JDP2: variants seen among roughly 807,000 people sequenced by gnomAD.
JDP2 encodes the protein Jun dimerization protein 2, also known as progesterone receptor co-activator.
Under a neutral mutation model 17.1 loss-of-function variants are expected in JDP2, and 9 were observed. That is an observed-to-expected ratio of 0.53 (90% CI 0.32 to 0.92). The LOEUF (loss-of-function observed/expected upper bound fraction) is 0.92, where lower values mean the gene tolerates loss of function less well. Ranked by LOEUF, JDP2 falls within the 40% of genes least tolerant of loss-of-function variation. The probability of loss-of-function intolerance (pLI) is 0.04; values close to 1 mark genes in which losing one functional copy is unlikely to be tolerated. For missense variants in JDP2, 179 were observed against 220.0 expected (o/e 0.81, Z 1.18); for synonymous variants, 107 against 95.6 (o/e 1.12, Z -0.69).
intron 3 of JDP2, 67 bp from the exon 4 acceptor site, chr14:75,469,223 C>T (rs1886703020): frequency 6.7e-7 from 1 of 1,499,866 alleles, no homozygotes; most frequent in African/African-American, 1.4e-5. Context: ...TGCCTAACCA[C>T]AGGCAGAGCC....
chr14:75,457,093 A>T (rs1886148040), intron 2 of JDP2, among the ~76,000 whole-genome samples: 1 of 152,112 alleles, frequency 6.6e-6, no homozygotes, highest in Non-Finnish European at 1.5e-5. Context: ...CCCGCATCTC[A>T]TGGTTCTTTA....
chr14:75,434,065 A>G lies in JDP2; in HGVS notation c.-23-3833A>G, dbSNP rs1884946179. Among the ~76,000 whole-genome samples, 3 of 152,190 alleles carry G rather than the reference A, an allele frequency of 2.0e-5. 1 individual carries two copies. In the South Asian group the frequency reaches 6.2e-4, roughly 32 times the overall value. On this transcript the variant is annotated intron_variant, in intron 1 of 3. Coordinates refer to ENST00000651602, the MANE Select transcript of JDP2 (RefSeq NM_001135048.2). ...GTGGGAGATGATTTCACCTCTTGTC[A>G]TCTTTCCTAAGTCTTCCTTGAAGTG...
chr14:75,466,753 T>C (rs1886585303), intron 3 of JDP2, among the ~76,000 whole-genome samples: 1 of 152,080 alleles, frequency 6.6e-6, no homozygotes. Flanking sequence ...CAAAACAAAC[T>C]CCTCCTTTTC....
At chr14:75,449,455 G>C (rs73301644) in intron 2 of JDP2, among the ~76,000 whole-genome samples, 6,250 of 152,302 alleles carry the variant, frequency 0.041, 282 homozygotes, top group African/African-American at 0.11. Context: ...TGTTGTTAAA[G>C]AGTCAGTTTC....
chr14:75,457,669 A>G (rs1229684456), intron 2 of JDP2, among the ~76,000 whole-genome samples: 1 of 152,046 alleles, frequency 6.6e-6, no homozygotes, highest in Non-Finnish European at 1.5e-5. Flanking sequence ...TGGCTGTGGA[A>G]CTGGGGGCTC....
chr14:75,429,046 G>A (rs1357793683), intron 1 of JDP2, among the ~76,000 whole-genome samples: 1 of 152,152 alleles, frequency 6.6e-6, no homozygotes, highest in African/African-American at 2.4e-5. Context: ...GGAGAGTGTA[G>A]GGGTGGATTG....
intron 3 of JDP2, among the ~76,000 whole-genome samples, chr14:75,467,709 A>T (rs1365174157): frequency 6.6e-6 from 1 of 152,106 alleles, no homozygotes. Context: ...GAGGGCTCAC[A>T]GGCTTCCATG....
intron 3 of JDP2, among the ~76,000 whole-genome samples, chr14:75,468,115 G>A (rs1322041454): frequency 2.0e-5 from 3 of 152,178 alleles, no homozygotes; most frequent in African/African-American, 7.2e-5. Flanking sequence ...GGGCTTACGG[G>A]CCCTCTGGTT....
At position 75,471,244 on chromosome 14, in the gene JDP2, G is replaced by A. The variant is rs919389828; in HGVS notation, c.*1769G>A. 1 of 152,294 alleles carries A rather than the reference G, an allele frequency of 6.6e-6. No individual in the cohort carries two copies. Among genetic ancestry groups the A allele is most frequent in the Non-Finnish European group, 1.5e-5 (1 of 68,100 alleles). The allele number at this position is 152,294 out of a possible 1,614,324, so 9.4% of individuals were successfully genotyped here. On this transcript the variant is annotated 3_prime_UTR_variant, in exon 4 of 4. Coordinates refer to ENST00000651602, the MANE Select transcript of JDP2 (RefSeq NM_001135048.2). ...CAATGTGTGTCTGACCCAGGGAAGG[G>A]TGTGGATGGCTTCTCTGCCCCCTCA...
intron 2 of JDP2, among the ~76,000 whole-genome samples, chr14:75,440,037 T>C (rs1025511725): frequency 2.6e-5 from 4 of 152,200 alleles, no homozygotes; most frequent in African/African-American, 7.2e-5. Flanking sequence ...TTATTTTTTA[T>C]TTTTGGAAAA....
At chr14:75,461,771 A>C (rs951519761) in intron 3 of JDP2, among the ~76,000 whole-genome samples, 4 of 152,180 alleles carry the variant, frequency 2.6e-5, no homozygotes, top group African/African-American at 9.7e-5. Context: ...CCAAGAAGGA[A>C]GGAGGAGCCA....
intron 2 of JDP2, among the ~76,000 whole-genome samples, chr14:75,452,763 C>G (rs528210356): frequency 2.6e-5 from 4 of 152,208 alleles, no homozygotes; most frequent in Non-Finnish European, 5.9e-5. Context: ...CAGCCCTCCC[C>G]CCTCACTAAT....
chr14:75,471,854 T>G lies in JDP2; in HGVS notation c.*2379T>G, dbSNP rs916996468. The G allele has an allele frequency of 6.5e-6, 1 of 152,728 alleles. No homozygotes were observed. Among genetic ancestry groups the G allele is most frequent in the African/African-American group, 2.4e-5 (1 of 41,378 alleles). The allele number at this position is 152,728 out of a possible 1,614,324, so 9.5% of individuals were successfully genotyped here. A position where few individuals can be genotyped will look rare whatever the true frequency, so the allele number is the denominator to read the frequency against. ...CAGGAACCCCTCGCGCTGTAATCCT[T>G]TGATATTTTTCAAGCCATGAGAAAA... On this transcript the variant is annotated 3_prime_UTR_variant, in exon 4 of 4. Transcript: ENST00000651602.
At chr14:75,455,756 C>T (rs1345285357) in intron 2 of JDP2, among the ~76,000 whole-genome samples, 2 of 152,146 alleles carry the variant, frequency 1.3e-5, no homozygotes, top group Non-Finnish European at 1.5e-5. Flanking sequence ...GTGTTCGTGA[C>T]TCCACTGCTG....
chr14:75,434,189 T>C (rs1006561714), intron 1 of JDP2, among the ~76,000 whole-genome samples: 7 of 152,188 alleles, frequency 4.6e-5, no homozygotes, highest in African/African-American at 1.4e-4. Flanking sequence ...ATCAAATTGT[T>C]TTATTTTTCA....
At chr14:75,457,613 G>A (rs1161718620) in intron 2 of JDP2, among the ~76,000 whole-genome samples, 1 of 152,246 alleles carries the variant, frequency 6.6e-6, no homozygotes, top group Admixed American at 6.5e-5. Flanking sequence ...CAAGGTTGGG[G>A]GCATGGGTGC....
intron 2 of JDP2, among the ~76,000 whole-genome samples, chr14:75,441,438 A>G (rs72721682): frequency 1.2e-4 from 18 of 152,332 alleles, no homozygotes; most frequent in Non-Finnish European, 2.5e-4. Flanking sequence ...TTAAGCATCT[A>G]CTATGTGCTG....
chr14:75,436,790 G>T (rs1302203302), intron 1 of JDP2, among the ~76,000 whole-genome samples: 1 of 152,204 alleles, frequency 6.6e-6, no homozygotes, highest in Non-Finnish European at 1.5e-5. Flanking sequence ...GAATTCCCTT[G>T]GTGTTGACCT....
chr14:75,437,118 C>T (rs918015748), intron 1 of JDP2, among the ~76,000 whole-genome samples: 4 of 148,736 alleles, frequency 2.7e-5, no homozygotes, highest in Non-Finnish European at 4.4e-5. Context: ...TGCTTGAACC[C>T]AGGAGGCGGA....
Sources: gnomAD v4.1 joint callset for allele counts (sites outside exome capture counted in the v4.1 genomes callset) on GRCh38, gnomAD v4.1.1 for gene constraint, MANE v1.5 for transcripts, NCBI Gene and HGNC (gene_info 2026-07-23, HGNC 2026-07-21) for gene names.